Variants in RIMS2 observed in about 807,000 individuals in gnomAD.
RIMS2 encodes the protein regulating synaptic membrane exocytosis protein 2.
RIMS2 carries 59 observed loss-of-function variants against 174.4 expected under a neutral mutation model. That is an observed-to-expected ratio of 0.34 (90% confidence interval 0.27 to 0.42). RIMS2 has a LOEUF of 0.42. Among genes scored for constraint, RIMS2 ranks in the 10% least tolerant of loss-of-function variants. RIMS2 has a pLI of 1.00. For missense variants in RIMS2, 1,620 were observed against 1,666.3 expected (o/e 0.97, Z 0.48); for synonymous variants, 606 against 572.5 (o/e 1.06, Z -0.84).
chr8:104,147,019 C>T (rs752078917), intron 19 of RIMS2, among the ~76,000 whole-genome samples: 26 of 152,054 alleles, frequency 1.7e-4, no homozygotes, highest in Non-Finnish European at 3.2e-4. Context: ...AACAGAAACA[C>T]TAGGTTATTC....
intron 3 of RIMS2, among the ~76,000 whole-genome samples, chr8:103,801,981 G>A (rs1440821720): frequency 3.3e-5 from 5 of 152,084 alleles, no homozygotes; most frequent in Admixed American, 6.6e-5. Flanking sequence ...ATATTCATTT[G>A]TAAAATATAT....
intron 1 of RIMS2, among the ~76,000 whole-genome samples, chr8:103,583,424 C>A (rs2093727712): frequency 6.6e-6 from 1 of 152,082 alleles, no homozygotes; most frequent in Non-Finnish European, 1.5e-5. Flanking sequence ...GAAAACATGA[C>A]CTCACCAAGT....
chr8:103,599,109 CT>C (rs978502745), intron 1 of RIMS2, among the ~76,000 whole-genome samples: 25 of 152,132 alleles, frequency 1.6e-4, no homozygotes, highest in African/African-American at 6.0e-4. Flanking sequence ...TCTCCTTCCT[CT>C]TTTTTTCTTC....
intron 19 of RIMS2, among the ~76,000 whole-genome samples, chr8:104,037,445 A>G (rs959115528): frequency 6.6e-6 from 1 of 152,222 alleles, no homozygotes; most frequent in African/African-American, 2.4e-5. Flanking sequence ...GTTCAACTAC[A>G]ATTAAATCTG....
At chr8:104,012,592 T>C (rs998945270) in intron 17 of RIMS2, among the ~76,000 whole-genome samples, 8 of 152,098 alleles carry the variant, frequency 5.3e-5, no homozygotes, top group South Asian at 2.1e-4. Flanking sequence ...CCAAAGCTAG[T>C]GTTTTTAAAG....
chr8:104,052,253 CAATA>C (rs1203605951), intron 19 of RIMS2, among the ~76,000 whole-genome samples: 1 of 151,910 alleles, frequency 6.6e-6, no homozygotes, highest in African/African-American at 2.4e-5. Context: ...AATTATACCT[CAATA>C]AATCTGACTT....
intron 1 of RIMS2, among the ~76,000 whole-genome samples, chr8:103,609,407 C>A (rs772798072): frequency 2.0e-5 from 3 of 152,102 alleles, no homozygotes; most frequent in Non-Finnish European, 4.4e-5. Flanking sequence ...TTGCTGTTGG[C>A]ATCTTTGTCA....
chr8:103,584,518 A>G (rs1488289815), intron 1 of RIMS2, among the ~76,000 whole-genome samples: 2 of 152,318 alleles, frequency 1.3e-5, no homozygotes, highest in East Asian at 1.9e-4. Flanking sequence ...CACAATCAAA[A>G]TAACTACAAC....
chr8:103,886,287 C>A, intron 4 of RIMS2, 64 bp downstream of exon 7: 1 of 1,365,770 alleles, frequency 7.3e-7, no homozygotes, highest in Non-Finnish European at 9.9e-7. Flanking sequence ...TAATAGATTG[C>A]ATTTCTGAGT....
At chr8:104,097,338 C>A (rs2097780287) in intron 19 of RIMS2, among the ~76,000 whole-genome samples, 1 of 152,008 alleles carries the variant, frequency 6.6e-6, no homozygotes, top group South Asian at 2.1e-4. Context: ...GTGAATGAAA[C>A]AAAGTTTGTC....
intron 1 of RIMS2, among the ~76,000 whole-genome samples, chr8:103,663,381 A>G (rs2096627854): frequency 6.6e-6 from 1 of 152,156 alleles, no homozygotes; most frequent in Non-Finnish European, 1.5e-5. Context: ...ATATATTTAG[A>G]AAACCCCATC....
chr8:103,515,933 C>T (rs1227133596), intron 1 of RIMS2, among the ~76,000 whole-genome samples: 1 of 152,002 alleles, frequency 6.6e-6, no homozygotes, highest in African/African-American at 2.4e-5. Flanking sequence ...ATTCATTAAT[C>T]TGCAGTGAAA....
intron 1 of RIMS2, among the ~76,000 whole-genome samples, chr8:103,580,394 A>T (rs1022201672): frequency 5.3e-5 from 8 of 151,972 alleles, no homozygotes; most frequent in Non-Finnish European, 8.8e-5. Flanking sequence ...CTATACTTAG[A>T]TAAAATAGAC....
intron 19 of RIMS2, among the ~76,000 whole-genome samples, chr8:104,153,528 G>T (rs986699302): frequency 3.3e-5 from 5 of 152,150 alleles, no homozygotes; most frequent in Non-Finnish European, 7.4e-5. Flanking sequence ...ACATGATTTT[G>T]ATTTTGAGAT....
At chr8:103,851,615 T>C (rs1037015355) in intron 3 of RIMS2, among the ~76,000 whole-genome samples, 4 of 150,592 alleles carry the variant, frequency 2.7e-5, no homozygotes, top group African/African-American at 9.8e-5. Flanking sequence ...TGTATAGATG[T>C]GTATGCCTGT....
At chr8:104,026,549 G>GA (rs1024086436) in intron 19 of RIMS2, among the ~76,000 whole-genome samples, 6 of 150,708 alleles carry the variant, frequency 4.0e-5, no homozygotes, top group East Asian at 1.9e-4. Flanking sequence ...CAATGAGATG[G>GA]AAAAAAAAAT....
rs565991954 is a variant in RIMS2 at position 103,732,413 on chromosome 8, G to A, written c.388-33814G>A. ...AGATCCAAAGGCAGCAGAGCCCTGG[G>A]AGTTGCTTAAGGCCCGCAGTGACCA... On this transcript the variant is annotated intron_variant, in intron 2 of 23. Transcript: ENST00000504942. 6.6e-5 allele frequency among the ~76,000 whole-genome samples: 10 copies of A among 152,294 alleles called. No homozygotes were observed. In the East Asian group the frequency reaches 1.7e-3, roughly 27 times the overall value.
chr8:104,000,780 T>A (rs929717674), intron 17 of RIMS2, among the ~76,000 whole-genome samples: 2 of 152,114 alleles, frequency 1.3e-5, no homozygotes, highest in East Asian at 3.9e-4. Flanking sequence ...TATCTCATTG[T>A]GGTTTTGATT....
chr8:103,986,234 A>G (rs1041598747), intron 16 of RIMS2, among the ~76,000 whole-genome samples: 3 of 152,180 alleles, frequency 2.0e-5, no homozygotes, highest in African/African-American at 7.2e-5. Context: ...ATTTTTAACG[A>G]AAATAGAGAG....
Sources: gnomAD v4.1 joint callset for allele counts (sites outside exome capture counted in the v4.1 genomes callset) on GRCh38, gnomAD v4.1.1 for gene constraint, MANE v1.5 for transcripts, NCBI Gene and HGNC (gene_info 2026-07-23, HGNC 2026-07-21) for gene names.